Variants in ATOSA observed in about 807,000 individuals in gnomAD.
ATOSA encodes atos homolog A, also known as atos homolog protein A.
At chr15:52,677,106 T>C in the ATOSA span, among the ~76,000 whole-genome samples, 2 of 152,144 alleles carry the variant, frequency 1.3e-5, no homozygotes, top group Admixed American at 1.3e-4. Flanking sequence ...TTTGAAAAAA[T>C]ATATGGAAAA....
chr15:52,709,537 T>C, the ATOSA span, among the ~76,000 whole-genome samples: 1 of 152,178 alleles, frequency 6.6e-6, no homozygotes, highest in African/African-American at 2.4e-5. Flanking sequence ...CAAGTCCCTT[T>C]CACTTGTATG....
At chr15:52,698,231 G>A in the ATOSA span, among the ~76,000 whole-genome samples, 22 of 151,670 alleles carry the variant, frequency 1.5e-4, no homozygotes, top group Non-Finnish European at 2.2e-4. Context: ...TGCCCGCCTC[G>A]GCCTCCCAAA....
At chr15:52,625,730 T>C in the ATOSA span, among the ~76,000 whole-genome samples, 1 of 152,234 alleles carries the variant, frequency 6.6e-6, no homozygotes, top group Non-Finnish European at 1.5e-5. Flanking sequence ...TATAGTCATC[T>C]AGCTCTTTGA....
At chr15:52,622,751 G>C in the ATOSA span, among the ~76,000 whole-genome samples, 1 of 151,942 alleles carries the variant, frequency 6.6e-6, no homozygotes, top group African/African-American at 2.4e-5. Context: ...TCAAAGGTAG[G>C]AACGAATGGG....
the ATOSA span, among the ~76,000 whole-genome samples, chr15:52,647,329 CAT>C: frequency 6.6e-6 from 1 of 151,892 alleles, no homozygotes; most frequent in Non-Finnish European, 1.5e-5. Context: ...CCCAAAATAA[CAT>C]ATGTCAGCTC....
chr15:52,652,068 A>C, the ATOSA span: 2 of 1,456,976 alleles, frequency 1.4e-6, no homozygotes, highest in South Asian at 2.9e-5. Flanking sequence ...CAGCAGAGTA[A>C]GAGCGCACAT....
At chr15:52,630,352 T>C in the ATOSA span, among the ~76,000 whole-genome samples, 1 of 151,852 alleles carries the variant, frequency 6.6e-6, no homozygotes. Context: ...TGAGAAGACA[T>C]GCCAAAAACA....
chr15:52,629,515 AAAAAAAG>A, the ATOSA span: 27 of 227,286 alleles, frequency 1.2e-4, no homozygotes, highest in Non-Finnish European at 1.9e-4. Flanking sequence ...TTAAAAAAAA[AAAAAAAG>A]GCCAGGCATC....
chr15:52,658,122 A>G, the ATOSA span: 1 of 152,226 alleles, frequency 6.6e-6, no homozygotes, highest in Non-Finnish European at 1.5e-5. Context: ...TGGAAGCACA[A>G]TAGCTGAAAT....
At chr15:52,621,069 A>G in the ATOSA span, among the ~76,000 whole-genome samples, 1 of 152,256 alleles carries the variant, frequency 6.6e-6, no homozygotes, top group Non-Finnish European at 1.5e-5. Flanking sequence ...CCAAATGTTC[A>G]AGGATGTTTA....
At chr15:52,683,585 T>G in the ATOSA span, among the ~76,000 whole-genome samples, 1 of 152,246 alleles carries the variant, frequency 6.6e-6, no homozygotes, top group Non-Finnish European at 1.5e-5. Context: ...TCTTCAGCAC[T>G]TAAGTCATAA....
At chr15:52,617,081 G>A in the ATOSA span, among the ~76,000 whole-genome samples, 1 of 152,098 alleles carries the variant, frequency 6.6e-6, no homozygotes, top group East Asian at 1.9e-4. Context: ...TTGAGTGATG[G>A]GCTGAATTGA....
At chr15:52,636,772 G>A in the ATOSA span, among the ~76,000 whole-genome samples, 79 of 152,314 alleles carry the variant, frequency 5.2e-4, no homozygotes, top group African/African-American at 1.9e-3. Flanking sequence ...TGAAACTCAG[G>A]GGAAGTGGTC....
chr15:52,617,559 T>C, the ATOSA span, among the ~76,000 whole-genome samples: 1 of 152,070 alleles, frequency 6.6e-6, no homozygotes, highest in African/African-American at 2.4e-5. Flanking sequence ...AAGTAACACA[T>C]TTAGTGAGAA....
chr15:52,596,766 T>C, the ATOSA span, among the ~76,000 whole-genome samples: 3 of 152,330 alleles, frequency 2.0e-5, no homozygotes. Context: ...AAAGAAGCCT[T>C]GGGCTAGGCA....
chr15:52,696,380 C>T, the ATOSA span, among the ~76,000 whole-genome samples: 1 of 152,150 alleles, frequency 6.6e-6, no homozygotes, highest in Non-Finnish European at 1.5e-5. Flanking sequence ...TCAGGCTTAT[C>T]TGGATCATTG....
the ATOSA span, among the ~76,000 whole-genome samples, chr15:52,617,599 A>C: frequency 6.6e-6 from 1 of 152,088 alleles, no homozygotes; most frequent in South Asian, 2.1e-4. Flanking sequence ...TAAGACAAAA[A>C]TAACTCATTT....
At chr15:52,701,030 A>G in the ATOSA span, among the ~76,000 whole-genome samples, 1 of 152,236 alleles carries the variant, frequency 6.6e-6, no homozygotes, top group African/African-American at 2.4e-5. Flanking sequence ...ATAGCTGGAA[A>G]ATGTGAAAAG....
chr15:52,679,542 C>A, the ATOSA span, among the ~76,000 whole-genome samples: 3 of 152,184 alleles, frequency 2.0e-5, no homozygotes, highest in Non-Finnish European at 2.9e-5. Context: ...AGGTGCCCGG[C>A]GGGTGCGAGG....
Sources: allele counts gnomAD v4.1 joint callset (sites outside exome capture counted in the v4.1 genomes callset), GRCh38; gene constraint gnomAD v4.1.1; transcripts MANE v1.5; gene names NCBI Gene and HGNC (gene_info 2026-07-23, HGNC 2026-07-21).